Variants in GRID2 observed in about 807,000 individuals in gnomAD.
GRID2 encodes the protein glutamate ionotropic receptor delta type subunit 2, also known as glutamate receptor ionotropic, delta-2.
GRID2 carries 33 observed loss-of-function variants against 114.8 expected under a neutral mutation model. The observed-to-expected ratio is 0.29, with a 90% confidence interval of 0.22 to 0.38. The LOEUF (loss-of-function observed/expected upper bound fraction) is 0.38, where lower values mean the gene tolerates loss of function less well. Among genes scored for constraint, GRID2 ranks in the 10% least tolerant of loss-of-function variants. GRID2 has a pLI of 1.00. For synonymous variants in GRID2, 505 were observed against 449.9 expected, an observed-to-expected ratio of 1.12 and a Z score of -1.55; for missense variants, 1,184 against 1,257.7, an observed-to-expected ratio of 0.94 and a Z score of 0.89.
chr4:92,541,458 C>G (rs965241392), intron 1 of GRID2, among the ~76,000 whole-genome samples: 79 of 151,076 alleles, frequency 5.2e-4, no homozygotes, highest in African/African-American at 1.7e-3. Flanking sequence ...TGTGAAAAAA[C>G]CATATTAATC....
chr4:93,003,462 C>G (rs1361902462), intron 2 of GRID2, among the ~76,000 whole-genome samples: 1 of 151,918 alleles, frequency 6.6e-6, no homozygotes, highest in Non-Finnish European at 1.5e-5. Context: ...AAATATATGG[C>G]ATGAATAAGT....
chr4:92,752,484 A>T (rs2149339822), intron 2 of GRID2, among the ~76,000 whole-genome samples: 1 of 152,286 alleles, frequency 6.6e-6, no homozygotes, highest in South Asian at 2.1e-4. Context: ...CAAAAGTCAA[A>T]TTATCAGATA....
At chr4:93,677,967 A>G (rs1020823276) in intron 14 of GRID2, among the ~76,000 whole-genome samples, 2 of 151,800 alleles carry the variant, frequency 1.3e-5, no homozygotes, top group Non-Finnish European at 2.9e-5. Context: ...GCTTCAGACG[A>G]TCAAACTACT....
intron 2 of GRID2, among the ~76,000 whole-genome samples, chr4:92,771,742 A>G (rs897360383): frequency 6.6e-6 from 1 of 152,210 alleles, no homozygotes; most frequent in Non-Finnish European, 1.5e-5. Flanking sequence ...TTGATGAAAC[A>G]GATTCCAGAT....
chr4:93,467,058 A>G (rs377039741), intron 11 of GRID2, among the ~76,000 whole-genome samples: 1 of 152,206 alleles, frequency 6.6e-6, no homozygotes. Flanking sequence ...TGTTATTGCA[A>G]CACTAAAATA....
chr4:93,737,929 T>C (rs1418559956), intron 14 of GRID2, among the ~76,000 whole-genome samples: 1 of 152,152 alleles, frequency 6.6e-6, no homozygotes, highest in Non-Finnish European at 1.5e-5. Flanking sequence ...AAACTATTCA[T>C]CAATAATTAG....
At chr4:93,804,491 CAT>C (rs1456633467) in intron 1 of GRID2, among the ~76,000 whole-genome samples, 3 of 152,114 alleles carry the variant, frequency 2.0e-5, no homozygotes, top group South Asian at 2.1e-4. Flanking sequence ...CATATCTACA[CAT>C]GTCTAAACAT....
At chr4:93,475,985 C>T (rs567417608) in intron 11 of GRID2, among the ~76,000 whole-genome samples, 19 of 152,110 alleles carry the variant, frequency 1.2e-4, no homozygotes, top group East Asian at 5.8e-4. Flanking sequence ...TTTACTGTTT[C>T]GGTGCCTTTC....
intron 8 of GRID2, among the ~76,000 whole-genome samples, chr4:93,252,115 G>A (rs753240932): frequency 9.2e-5 from 14 of 151,890 alleles, no homozygotes; most frequent in Admixed American, 2.0e-4. Context: ...AATTGCTTTT[G>A]GTCTTCATCA....
rs1455953288 is a variant in GRID2 at position 93,676,607 on chromosome 4, T to C, written c.2360+50172T>C. The stretch of plus-strand genomic sequence containing the variant: ...TAACATAATACAATGATAACTTAAG[T>C]TTAGCTTTTTACTTTGAAAATAAAA... On this transcript the variant is annotated intron_variant, in intron 14 of 15. Coordinates refer to ENST00000282020, the MANE Select transcript of GRID2 (RefSeq NM_001510.4). 3.3e-5 allele frequency among the ~76,000 whole-genome samples: 5 copies of C among 152,006 alleles called. No individual in the cohort carries two copies. The East Asian group carries it at 9.6e-4, about 29-fold the overall frequency.
chr4:92,757,895 T>C (rs1023390604), intron 2 of GRID2, among the ~76,000 whole-genome samples: 1 of 150,908 alleles, frequency 6.6e-6, no homozygotes, highest in Admixed American at 6.6e-5. Context: ...TACACGTCAG[T>C]AGTAATCTTC....
chr4:92,406,981 T>C (rs1731059776), intron 1 of GRID2, among the ~76,000 whole-genome samples: 3 of 152,056 alleles, frequency 2.0e-5, no homozygotes, highest in Non-Finnish European at 4.4e-5. Flanking sequence ...GGAGGTTTAA[T>C]TGGCTCACAG....
intron 2 of GRID2, among the ~76,000 whole-genome samples, chr4:92,818,562 C>T (rs756108006): frequency 3.8e-4 from 58 of 152,040 alleles, no homozygotes; most frequent in Non-Finnish European, 7.8e-4. Flanking sequence ...TGATCTTGCT[C>T]GCAAACTTAT....
chr4:93,578,262 T>C (rs1371218607), intron 13 of GRID2, among the ~76,000 whole-genome samples: 1 of 152,134 alleles, frequency 6.6e-6, no homozygotes, highest in African/African-American at 2.4e-5. Context: ...ATGTATATCT[T>C]TTAGAAACGG....
intron 2 of GRID2, among the ~76,000 whole-genome samples, chr4:93,055,454 G>A (rs1727134877): frequency 6.6e-6 from 1 of 151,444 alleles, no homozygotes; most frequent in Admixed American, 6.6e-5. Flanking sequence ...CACCAGCATG[G>A]CACATGTATA....
intron 1 of GRID2, among the ~76,000 whole-genome samples, chr4:92,489,613 A>G (rs1723056748): frequency 6.6e-6 from 1 of 152,176 alleles, no homozygotes; most frequent in Admixed American, 6.5e-5. Flanking sequence ...TGGGAGGCCA[A>G]GGCGGGTGGA....
At chr4:93,710,751 T>C (rs980170270) in intron 14 of GRID2, among the ~76,000 whole-genome samples, 10 of 152,114 alleles carry the variant, frequency 6.6e-5, no homozygotes, top group African/African-American at 9.7e-5. Context: ...AGAAATCTAT[T>C]TGGTGCTTTA....
At chr4:92,548,170 A>G (rs1302623090) in intron 1 of GRID2, among the ~76,000 whole-genome samples, 1 of 152,108 alleles carries the variant, frequency 6.6e-6, no homozygotes, top group South Asian at 2.1e-4. Flanking sequence ...GACAAAATCA[A>G]GACTTCTCAA....
intron 11 of GRID2, among the ~76,000 whole-genome samples, chr4:93,478,451 G>A (rs1374261870): frequency 1.3e-5 from 2 of 151,918 alleles, no homozygotes; most frequent in African/African-American, 2.4e-5. Context: ...TCTGTAGGAA[G>A]TTCTAATTTG....
Sources: gnomAD v4.1 joint callset for allele counts (sites outside exome capture counted in the v4.1 genomes callset) on GRCh38, gnomAD v4.1.1 for gene constraint, MANE v1.5 for transcripts, NCBI Gene and HGNC (gene_info 2026-07-23, HGNC 2026-07-21) for gene names.